Variants in SAMTOR observed in about 807,000 individuals in gnomAD.
The protein encoded by SAMTOR is S-adenosylmethionine sensor upstream of mTORC1.
At chr7:112,857,108 C>T in the SAMTOR span, among the ~76,000 whole-genome samples, 2 of 113,478 alleles carry the variant, frequency 1.8e-5, no homozygotes, top group African/African-American at 7.1e-5. Context: ...TTTTTTGAGA[C>T]GGAGTCTCGC....
At chr7:112,911,404 G>C in the SAMTOR span, among the ~76,000 whole-genome samples, 5 of 152,106 alleles carry the variant, frequency 3.3e-5, no homozygotes, top group Admixed American at 3.3e-4. Context: ...CTCAACTCCT[G>C]ATGGTATCAA....
At chr7:112,937,294 G>T in the SAMTOR span, among the ~76,000 whole-genome samples, 1 of 152,162 alleles carries the variant, frequency 6.6e-6, no homozygotes, top group African/African-American at 2.4e-5. Context: ...GCTGGTAGAA[G>T]AATTGTGATA....
chr7:112,870,668 A>G, the SAMTOR span, among the ~76,000 whole-genome samples: 17 of 151,948 alleles, frequency 1.1e-4, no homozygotes, highest in Admixed American at 1.0e-3. Flanking sequence ...TATGAAAGAA[A>G]CACAACCTCT....
the SAMTOR span, chr7:112,939,384 G>C: frequency 2.0e-4 from 140 of 701,928 alleles, 1 homozygote; most frequent in East Asian, 3.4e-3. Context: ...GAACTCTCCC[G>C]AAGGGCCCTC....
At chr7:112,935,661 C>T in the SAMTOR span, among the ~76,000 whole-genome samples, 2 of 151,838 alleles carry the variant, frequency 1.3e-5, no homozygotes, top group Non-Finnish European at 2.9e-5. Flanking sequence ...GTATGCAGAA[C>T]AAGTAAATTC....
the SAMTOR span, among the ~76,000 whole-genome samples, chr7:112,916,538 A>G: frequency 6.6e-6 from 1 of 152,152 alleles, no homozygotes; most frequent in Non-Finnish European, 1.5e-5. Context: ...TGATTTCTGC[A>G]TTTCCATCTG....
the SAMTOR span, chr7:112,939,830 G>C: frequency 5.3e-6 from 6 of 1,139,780 alleles, no homozygotes; most frequent in African/African-American, 4.6e-5. Flanking sequence ...TAGGAGGAGG[G>C]AGCTGCGGAG....
chr7:112,872,822 A>C, the SAMTOR span, among the ~76,000 whole-genome samples: 1 of 151,944 alleles, frequency 6.6e-6, no homozygotes, highest in Non-Finnish European at 1.5e-5. Context: ...AAAAAAAAGA[A>C]ATTTAAAAAA....
the SAMTOR span, among the ~76,000 whole-genome samples, chr7:112,907,126 G>C: frequency 6.6e-6 from 1 of 152,068 alleles, no homozygotes; most frequent in Admixed American, 6.5e-5. Flanking sequence ...AATAGTGATA[G>C]TAGGCATGGA....
the SAMTOR span, among the ~76,000 whole-genome samples, chr7:112,858,811 G>A: frequency 6.6e-6 from 1 of 152,054 alleles, no homozygotes; most frequent in Admixed American, 6.6e-5. Flanking sequence ...CTATTTATCT[G>A]TGATTTTAAT....
chr7:112,899,780 G>A, the SAMTOR span, among the ~76,000 whole-genome samples: 1 of 109,582 alleles, frequency 9.1e-6, no homozygotes, highest in African/African-American at 5.2e-5. Context: ...CATATTCAAT[G>A]TGCTGAAGGA....
At chr7:112,899,106 G>C in the SAMTOR span, among the ~76,000 whole-genome samples, 4 of 152,088 alleles carry the variant, frequency 2.6e-5, no homozygotes, top group African/African-American at 9.7e-5. Flanking sequence ...TGAGGCACCA[G>C]TGACCAATCC....
the SAMTOR span, among the ~76,000 whole-genome samples, chr7:112,827,597 A>G: frequency 6.6e-6 from 1 of 152,218 alleles, no homozygotes; most frequent in East Asian, 1.9e-4. Flanking sequence ...ATAAAATGGT[A>G]TATTTGCATA....
chr7:112,931,214 T>C, the SAMTOR span, among the ~76,000 whole-genome samples: 1 of 151,868 alleles, frequency 6.6e-6, no homozygotes, highest in African/African-American at 2.4e-5. Context: ...TTAAAACCAA[T>C]GGTGTATAGC....
the SAMTOR span, among the ~76,000 whole-genome samples, chr7:112,930,964 C>T: frequency 2.0e-5 from 3 of 152,154 alleles, no homozygotes; most frequent in Non-Finnish European, 4.4e-5. Context: ...CAAAGCTTTG[C>T]AACAGAGGAA....
At chr7:112,900,902 C>T in the SAMTOR span, among the ~76,000 whole-genome samples, 1 of 152,178 alleles carries the variant, frequency 6.6e-6, no homozygotes, top group African/African-American at 2.4e-5. Flanking sequence ...TCTTGAAATG[C>T]ATCATAAATG....
the SAMTOR span, among the ~76,000 whole-genome samples, chr7:112,906,926 C>T: frequency 6.6e-6 from 1 of 152,032 alleles, no homozygotes; most frequent in African/African-American, 2.4e-5. Context: ...CTGTTGTTCC[C>T]AATTTATGAA....
chr7:112,884,930 T>A, the SAMTOR span, among the ~76,000 whole-genome samples: 13 of 152,364 alleles, frequency 8.5e-5, no homozygotes, highest in African/African-American at 3.1e-4. Context: ...AACTTCTGCC[T>A]GGACATTCAG....
chr7:112,880,602 A>AT, the SAMTOR span, among the ~76,000 whole-genome samples: 1 of 152,290 alleles, frequency 6.6e-6, no homozygotes, highest in African/African-American at 2.4e-5. Flanking sequence ...TAGATTATGC[A>AT]TTTTTTACAG....
Sources: allele counts gnomAD v4.1 joint callset (sites outside exome capture counted in the v4.1 genomes callset), GRCh38; gene constraint gnomAD v4.1.1; transcripts MANE v1.5; gene names NCBI Gene and HGNC (gene_info 2026-07-23, HGNC 2026-07-21).